Variants in TCF12 observed in about 807,000 individuals in gnomAD.
TCF12 encodes the protein DNA-binding protein HTF4.
TCF12 carries 45 observed loss-of-function variants against 86.0 expected under a neutral mutation model. The ratio of observed to expected loss-of-function variants is 0.52; its 90% CI spans 0.41 to 0.67. TCF12 has a LOEUF of 0.67. TCF12 is among the 30% of genes least tolerant of loss of function. The pLI, the probability that TCF12 is intolerant of heterozygous loss-of-function variation, is 0.00. For missense variants in TCF12, 881 were observed against 859.9 expected, an observed-to-expected ratio of 1.02 and a Z score of -0.31; for synonymous variants, 330 against 299.6, an observed-to-expected ratio of 1.10 and a Z score of -1.05.
intron 3 of TCF12, among the ~76,000 whole-genome samples, chr15:57,018,096 G>A (rs1387716584): frequency 6.6e-6 from 1 of 152,198 alleles, no homozygotes; most frequent in African/African-American, 2.4e-5. Context: ...AAAGGAAGAA[G>A]CTGAGGCAAA....
intron 4 of TCF12, among the ~76,000 whole-genome samples, chr15:57,068,532 G>A (rs577088751): frequency 6.6e-6 from 1 of 152,242 alleles, no homozygotes; most frequent in East Asian, 1.9e-4. Context: ...TCTTGGGAAA[G>A]CAACAGTCTC....
intron 8 of TCF12, among the ~76,000 whole-genome samples, chr15:57,229,996 T>C (rs2059058913): frequency 6.6e-6 from 1 of 151,960 alleles, no homozygotes; most frequent in African/African-American, 2.4e-5. Context: ...TATTAGTCTA[T>C]AGAAATATAT....
chr15:57,142,904 T>C (rs1164610011), intron 5 of TCF12, among the ~76,000 whole-genome samples: 1 of 152,270 alleles, frequency 6.6e-6, no homozygotes, highest in East Asian at 1.9e-4. Context: ...ATGAAGGATA[T>C]GAAAGTCAAG....
chr15:57,284,277 G>A (rs11634352), intron 20 of TCF12, among the ~76,000 whole-genome samples: 59,409 of 151,768 alleles, frequency 0.39, 14,525 homozygotes, highest in Non-Finnish European at 0.54. Context: ...TGATCATCTC[G>A]GCTCACTCCA....
At chr15:57,124,883 G>A (rs1396474656) in intron 5 of TCF12, among the ~76,000 whole-genome samples, 6 of 5,286 alleles carry the variant, frequency 1.1e-3, no homozygotes, top group Non-Finnish European at 3.9e-3. Context: ...GCGTTTCACC[G>A]TGTCAGTCTT....
chr15:57,166,897 C>G (rs542587668), intron 6 of TCF12, among the ~76,000 whole-genome samples: 2 of 152,264 alleles, frequency 1.3e-5, no homozygotes, highest in African/African-American at 4.8e-5. Flanking sequence ...GCTTCACACC[C>G]TCCCTGACTT....
chr15:57,117,643 C>G (rs2050936244), intron 5 of TCF12, among the ~76,000 whole-genome samples: 1 of 152,112 alleles, frequency 6.6e-6, no homozygotes, highest in African/African-American at 2.4e-5. Flanking sequence ...AATTAAAGGA[C>G]ATACTTGATG....
At chr15:56,928,396 C>G (rs1368014847) in intron 3 of TCF12, among the ~76,000 whole-genome samples, 4 of 151,718 alleles carry the variant, frequency 2.6e-5, no homozygotes, top group Non-Finnish European at 5.9e-5. Context: ...TTATTGAACT[C>G]CTATTATATA....
chr15:57,107,347 G>T (rs2050203107), intron 5 of TCF12, among the ~76,000 whole-genome samples: 1 of 150,356 alleles, frequency 6.7e-6, no homozygotes, highest in African/African-American at 2.4e-5. Context: ...TATATATTGT[G>T]TAATTTCAAC....
intron 3 of TCF12, among the ~76,000 whole-genome samples, chr15:57,013,229 T>A (rs2036200176): frequency 6.6e-6 from 1 of 152,204 alleles, no homozygotes; most frequent in Admixed American, 6.5e-5. Context: ...CCTACTATAT[T>A]CCAGGCAATG....
intron 3 of TCF12, among the ~76,000 whole-genome samples, chr15:57,058,135 A>C (rs1167724623): frequency 6.6e-6 from 1 of 152,230 alleles, no homozygotes; most frequent in Non-Finnish European, 1.5e-5. Context: ...ATCACTATAT[A>C]GTTCCCATTA....
intron 3 of TCF12, among the ~76,000 whole-genome samples, chr15:56,997,529 CCACCTG>C (rs1256898926): frequency 1.3e-5 from 2 of 152,106 alleles, no homozygotes; most frequent in Non-Finnish European, 2.9e-5. Context: ...ATTGTGCTCA[CCACCTG>C]CAGGAGGGAT....
At position 57,057,556 on chromosome 15, in the gene TCF12, G is replaced by A. The variant is rs1046973688; in HGVS notation, c.149-6194G>A. On this transcript the variant is annotated intron_variant, in intron 3 of 20. Coordinates refer to ENST00000333725, the MANE Select transcript of TCF12 (RefSeq NM_207037.2). ...TATGTAGTTGATAGCAAGCTAGCTA[G>A]ATATTTTCTTTCCGCCAGCCCTAGG... 3.9e-5 allele frequency among the ~76,000 whole-genome samples: 6 copies of A among 152,182 alleles called. No individual in the cohort carries two copies. The South Asian group carries it at 1.2e-3, about 32-fold the overall frequency.
intron 3 of TCF12, among the ~76,000 whole-genome samples, chr15:57,004,661 A>T (rs1250382441): frequency 1.3e-5 from 2 of 152,028 alleles, no homozygotes; most frequent in African/African-American, 4.8e-5. Context: ...CACCTGCCTC[A>T]GCTTCCTAAA....
rs1424851822 is a variant in TCF12 at position 57,123,928 on chromosome 15, C to T, written c.325+32037C>T. On this transcript the variant is annotated intron_variant, in intron 5 of 20. Transcript: ENST00000333725. ...GAGCTTGCAGTTAGCCGAGATGCGC[C>T]ACTGCACTCCAGCCTGGGCGACAGA... is the stretch of plus-strand genomic sequence containing the variant. Among the ~76,000 whole-genome samples, 8 of 142,048 alleles carry T rather than the reference C, an allele frequency of 5.6e-5. No homozygotes were observed. The South Asian group carries it at 1.8e-3, about 31-fold the overall frequency. The allele number at this position is 142,048 out of a possible 152,430, so 93.2% of individuals were successfully genotyped here.
chr15:57,094,250 AAAG>A (rs1745648536), intron 5 of TCF12, among the ~76,000 whole-genome samples: 1 of 152,206 alleles, frequency 6.6e-6, no homozygotes, highest in African/African-American at 2.4e-5. Context: ...CTTATACATA[AAAG>A]AAGGAGACAG....
At chr15:57,283,840 A>G (rs1224242685) in intron 20 of TCF12, among the ~76,000 whole-genome samples, 1 of 152,076 alleles carries the variant, frequency 6.6e-6, no homozygotes, top group Admixed American at 6.5e-5. Context: ...ATAGGGTCAA[A>G]TGAGACTACA....
intron 13 of TCF12, chr15:57,247,674 T>C (rs1432723370): frequency 5.3e-6 from 4 of 757,648 alleles, no homozygotes; most frequent in Admixed American, 3.5e-5. Context: ...AAAATTTTCC[T>C]CACTGTTAGA....
intron 5 of TCF12, among the ~76,000 whole-genome samples, chr15:57,159,043 G>T (rs2054314612): frequency 6.6e-6 from 1 of 152,124 alleles, no homozygotes; most frequent in Non-Finnish European, 1.5e-5. Flanking sequence ...TTCTTTTTCT[G>T]TACATTTGAG....
Sources: gnomAD v4.1 joint callset for allele counts (sites outside exome capture counted in the v4.1 genomes callset) on GRCh38, gnomAD v4.1.1 for gene constraint, MANE v1.5 for transcripts, NCBI Gene and HGNC (gene_info 2026-07-23, HGNC 2026-07-21) for gene names.